Variants in OGFOD3 observed in about 807,000 individuals in gnomAD.
OGFOD3 encodes the protein 2-oxoglutarate and iron dependent oxygenase domain containing 3, also known as 2-oxoglutarate and iron-dependent oxygenase domain-containing protein 3.
OGFOD3 carries 35 observed loss-of-function variants against 39.8 expected under a neutral mutation model. The observed-to-expected ratio is 0.88, with a 90% CI of 0.67 to 1.17. The LOEUF (loss-of-function observed/expected upper bound fraction) is 1.17, where lower values mean the gene tolerates loss of function less well. Among genes scored for constraint, OGFOD3 ranks in the 50% most tolerant of loss-of-function variants. The probability of loss-of-function intolerance (pLI) is 0.00; values close to 1 mark genes in which losing one functional copy is unlikely to be tolerated. For missense variants in OGFOD3, 438 were observed against 454.5 expected (o/e 0.96, Z 0.33); for synonymous variants, 200 against 192.0 (o/e 1.04, Z -0.34).
chr17:82,409,858 G>T (rs1244446548), intron 3 of OGFOD3, among the ~76,000 whole-genome samples: 2 of 152,094 alleles, frequency 1.3e-5, no homozygotes, highest in East Asian at 3.9e-4. Flanking sequence ...TCGCGCCACT[G>T]CACTCCAGCC....
intron 1 of OGFOD3, chr17:82,417,356 C>G (rs191240800): frequency 1.3e-5 from 2 of 152,138 alleles, no homozygotes; most frequent in Non-Finnish European, 2.9e-5. Flanking sequence ...CAGTGGCTCA[C>G]GCCTGTAATC....
intron 7 of OGFOD3, among the ~76,000 whole-genome samples, chr17:82,399,640 T>C (rs1022635971): frequency 6.6e-6 from 1 of 152,102 alleles, no homozygotes; most frequent in Non-Finnish European, 1.5e-5. Flanking sequence ...CCCCCAGTCC[T>C]GCCCTCTCCA....
intron 1 of OGFOD3, among the ~76,000 whole-genome samples, chr17:82,417,618 C>CAA (rs11413297): frequency 0.14 from 17,638 of 127,184 alleles, 1,473 homozygotes; most frequent in African/African-American, 0.21. Flanking sequence ...GCCTCTGTCT[C>CAA]AAAAAAAAAA....
intron 8 of OGFOD3, chr17:82,394,589 G>T (rs529807187): frequency 6.6e-7 from 1 of 1,504,076 alleles, no homozygotes; most frequent in Non-Finnish European, 9.1e-7. Context: ...TTGACTCCAG[G>T]GGCCTGGGCG....
At chr17:82,410,710 C>CTTT (rs71168106) in intron 3 of OGFOD3, among the ~76,000 whole-genome samples, 24 of 91,708 alleles carry the variant, frequency 2.6e-4, no homozygotes, top group Non-Finnish European at 3.8e-4. Context: ...GCACATAATT[C>CTTT]TTTTTTTTTT....
intron 8 of OGFOD3, among the ~76,000 whole-genome samples, chr17:82,395,629 G>A (rs2052660137): frequency 6.6e-6 from 1 of 152,184 alleles, no homozygotes; most frequent in Non-Finnish European, 1.5e-5. Context: ...AGACCATTCT[G>A]GCTAACACGG....
chr17:82,417,874 C>T (rs1365428017), intron 1 of OGFOD3, among the ~76,000 whole-genome samples: 2 of 152,162 alleles, frequency 1.3e-5, no homozygotes, highest in Admixed American at 1.3e-4. Flanking sequence ...ATCAAGCAAG[C>T]GAGAAGCTGT....
At position 82,404,400 on chromosome 17, in the gene OGFOD3, C is replaced by T. The variant is rs2052819554; in HGVS notation, c.546-310G>A. 6.6e-6 allele frequency among the ~76,000 whole-genome samples: 1 copy of T among 152,234 alleles called. No individual in the cohort carries two copies. The highest frequency in any genetic ancestry group is 6.5e-5 in the Admixed American group (1 of 15,294). On this transcript the variant is annotated intron_variant, in intron 6 of 8. Coordinates refer to ENST00000313056, the MANE Select transcript of OGFOD3 (RefSeq NM_024648.3). The surrounding 1 kb of genome is among the most constrained non-coding windows in gnomAD (Gnocchi z 4.5). ...GGCCCCAGATGCCAGAGCCTCCAGG[C>T]TTCACTTGCAGGGCCTGGAGCCCAG...
At chr17:82,398,522 C>G (rs1178006406) in intron 7 of OGFOD3, among the ~76,000 whole-genome samples, 2 of 152,202 alleles carry the variant, frequency 1.3e-5, no homozygotes, top group Non-Finnish European at 2.9e-5. Flanking sequence ...GCCTCAGCCT[C>G]CCGAGTAGCT....
intron 4 of OGFOD3, among the ~76,000 whole-genome samples, chr17:82,407,156 T>C (rs1313770991): frequency 2.6e-5 from 4 of 151,932 alleles, no homozygotes; most frequent in African/African-American, 7.3e-5. Context: ...TCCCAGCTAC[T>C]TGGGAGGCTG....
chr17:82,412,018 G>C (rs181521678), intron 2 of OGFOD3, among the ~76,000 whole-genome samples: 2 of 69,376 alleles, frequency 2.9e-5, no homozygotes, highest in Non-Finnish European at 5.9e-5. Flanking sequence ...ACCCTCCTGA[G>C]ACCACCAGAG....
Position 82,404,076 on chromosome 17 carries a change from T to C in OGFOD3, c.560A>G (p.Lys187Arg). ...DFRLYREVRQ[K>R]VQLTIAEAFG... ...AGCCTCAGCAATGGTGAGCTGGACC[T>C]TCTGCCGCACCTCCCTGCAGAGGAC... The change falls in exon 7 of 9, where the codon AAG (lysine) becomes AGG (arginine). Residue 187 changes from lysine (K) to arginine (R), a missense_variant. By Grantham distance (26) the Lys-to-Arg change is conservative (BLOSUM62 2). Coordinates refer to ENST00000313056, the MANE Select transcript of OGFOD3 (RefSeq NM_024648.3). This position sits in a 1 kb window ranked among gnomAD's most constrained non-coding sequence, Gnocchi z 4.5. 2 of 1,599,822 alleles carry C rather than the reference T, an allele frequency of 1.3e-6. No individual in the cohort carries two copies. Among genetic ancestry groups the C allele is most frequent in the East Asian group, 4.5e-5 (2 of 44,466 alleles).
At chr17:82,407,829 C>T (rs888689194) in intron 4 of OGFOD3, among the ~76,000 whole-genome samples, 1 of 152,174 alleles carries the variant, frequency 6.6e-6, no homozygotes, top group Non-Finnish European at 1.5e-5. Context: ...CCGAACTGAA[C>T]CAAACCAAAC....
intron 1 of OGFOD3, among the ~76,000 whole-genome samples, chr17:82,416,467 C>T (rs1006666910): frequency 6.6e-6 from 1 of 151,998 alleles, no homozygotes; most frequent in Non-Finnish European, 1.5e-5. Context: ...CGGAGGTGAG[C>T]CCCCTACAGC....
chr17:82,416,650 C>A (rs2053047516), intron 1 of OGFOD3, among the ~76,000 whole-genome samples: 1 of 149,930 alleles, frequency 6.7e-6, no homozygotes, highest in South Asian at 2.1e-4. Flanking sequence ...GACAATATTT[C>A]TTTTATTTTT....
Position 82,406,456 on chromosome 17 carries a change from C to T in OGFOD3, c.450G>A (p.Gly150=). The T allele has an allele frequency of 6.2e-7, 1 of 1,614,148 alleles. No homozygotes were observed. The highest frequency in any genetic ancestry group is 8.5e-7 in the Non-Finnish European group (1 of 1,180,028). The change falls in exon 5 of 9, where the codon GGG becomes GGA. Residue 150 remains glycine, a synonymous_variant. Coordinates refer to ENST00000313056, the MANE Select transcript of OGFOD3 (RefSeq NM_024648.3). This position sits in a 1 kb window ranked among gnomAD's most constrained non-coding sequence, Gnocchi z 5.2. ...GGASILDLHS[G]ALSVGKHFVN... ...CAAAGTGCTTCCCGACAGACAGGGC[C>T]CCTGAGTGCAAGTCCAGAATGGATG...
rs1464693927 is a variant in OGFOD3, at chr17:82,405,311, C to A, written c.545+13G>T. The A allele has an allele frequency of 8.7e-6, 14 of 1,612,910 alleles. No individual in the cohort carries two copies. Among genetic ancestry groups the A allele is most frequent in the Non-Finnish European group, 8.5e-7 (1 of 1,179,012 alleles). Reference sequence around the variant, plus strand: ...CCCGCCTGCGAACCCCCACCCGCCTCACTCCTCCTTACCGGTATAACCGGA... The same window carrying A: ...CCCGCCTGCGAACCCCCACCCGCCTAACTCCTCCTTACCGGTATAACCGGA... On this transcript the variant is annotated intron_variant, in intron 6 of 8. Transcript: ENST00000313056.
At chr17:82,401,036 G>A (rs527773980) in intron 7 of OGFOD3, 1 of 152,330 alleles carries the variant, frequency 6.6e-6, no homozygotes, top group East Asian at 1.9e-4. Flanking sequence ...TTACGGCAAA[G>A]CGGTGGCGCC....
chr17:82,408,874 G>A (rs2052897689), intron 4 of OGFOD3, among the ~76,000 whole-genome samples: 1 of 152,178 alleles, frequency 6.6e-6, no homozygotes, highest in African/African-American at 2.4e-5. Flanking sequence ...GAGGCCACTA[G>A]CTGACCCCCT....
Sources: allele counts gnomAD v4.1 joint callset (sites outside exome capture counted in the v4.1 genomes callset), GRCh38; gene constraint gnomAD v4.1.1; non-coding constraint Gnocchi (gnomAD v3.1); transcripts MANE v1.5; gene names NCBI Gene and HGNC (gene_info 2026-07-23, HGNC 2026-07-21).